The following TRAPPC10 variants were observed in gnomAD, a reference collection of about 807,000 sequenced individuals.
TRAPPC10 encodes the protein trafficking protein particle complex subunit 10, also known as TRAPP 130 kDa subunit.
In TRAPPC10, 23 loss-of-function variants were observed where a neutral mutation model predicts 125.5. The ratio of observed to expected loss-of-function variants is 0.18; its 90% confidence interval spans 0.13 to 0.26. TRAPPC10 has a LOEUF of 0.26. TRAPPC10 is among the 10% of genes least tolerant of loss of function. The pLI is 1.00. For synonymous variants in TRAPPC10, 509 were observed against 518.0 expected, an observed-to-expected ratio of 0.98 and a Z score of 0.24; for missense variants, 1,123 against 1,308.4, an observed-to-expected ratio of 0.86 and a Z score of 2.19.
At chr21:44,055,559 C>T in intron 4 of TRAPPC10, 139 bp from the exon 5 acceptor site, 1 of 619,154 alleles carries the variant, frequency 1.6e-6, no homozygotes, top group Non-Finnish European at 2.6e-6. Flanking sequence ...GCCTGGGCCA[C>T]AGAGCAAAAC....
At chr21:44,083,693 A>C (rs1159767914) in intron 14 of TRAPPC10, among the ~76,000 whole-genome samples, 1 of 152,170 alleles carries the variant, frequency 6.6e-6, no homozygotes, top group Non-Finnish European at 1.5e-5. Flanking sequence ...CTGGGTGTCA[A>C]AACTGGTGTT....
At chr21:44,016,869 A>G (rs879555645) in intron 1 of TRAPPC10, among the ~76,000 whole-genome samples, 43 of 152,240 alleles carry the variant, frequency 2.8e-4, no homozygotes, top group Admixed American at 9.8e-4. Context: ...CGTGTCAGCC[A>G]GGATGGTCTT....
Position 44,086,933 on chromosome 21 carries a change from A to G in TRAPPC10, c.2512A>G (p.Arg838Gly). 1.2e-6 allele frequency: 2 copies of G among 1,614,194 alleles called. No homozygotes were observed. The highest frequency in any genetic ancestry group is 1.7e-6 in the Non-Finnish European group (2 of 1,180,026). Reference sequence around the variant, plus strand: ...GCTCATCCTGTGCCAGGCGGAGAGCAGGGCTGTGGTCTACTCCAACACGAG... The same window carrying G: ...GCTCATCCTGTGCCAGGCGGAGAGCGGGGCTGTGGTCTACTCCAACACGAG... The part of the protein sequence containing the change: ...AMLILCQAES[R>G]AVVYSNTREQ... Residue 838 changes from arginine to glycine, a missense_variant, in exon 16 of 23, where the codon AGG (arginine) becomes GGG (glycine). Arg to Gly is a moderately radical substitution (Grantham distance 125). Transcript: ENST00000291574.
intron 1 of TRAPPC10, among the ~76,000 whole-genome samples, chr21:44,017,847 T>C (rs1216303306): frequency 6.6e-6 from 1 of 152,118 alleles, no homozygotes; most frequent in East Asian, 1.9e-4. Context: ...TGATCTGATG[T>C]TGACACTGTG....
intron 18 of TRAPPC10, among the ~76,000 whole-genome samples, chr21:44,091,527 C>T (rs569703879): frequency 6.6e-6 from 1 of 152,304 alleles, no homozygotes; most frequent in East Asian, 1.9e-4. Context: ...GCAACCTCCA[C>T]CTCCCAGGTT....
intron 15 of TRAPPC10, 85 bp downstream of exon 15, chr21:44,084,348 T>A (rs1257898974): frequency 7.2e-7 from 1 of 1,383,678 alleles, no homozygotes; most frequent in Non-Finnish European, 9.7e-7. Context: ...TTCTCATAAG[T>A]TTTAGCTGTG....
rs1200589365 is a variant in TRAPPC10 at position 44,082,353 on chromosome 21, AGACACCTGG to A, written c.1724-433_1724-425del. Among the ~76,000 whole-genome samples the A allele has an allele frequency of 6.6e-6, 1 of 152,218 alleles. No homozygotes were observed. Among genetic ancestry groups the A allele is most frequent in the African/African-American group, 2.4e-5 (1 of 41,444 alleles). Reference sequence around the variant, plus strand: ...TAATCGGCTGACTTTGTAGACTGGCAGACACCTGGGGTTTGTTTCCACATCACAGCAGGG... The same window carrying A: ...TAATCGGCTGACTTTGTAGACTGGCAGGTTTGTTTCCACATCACAGCAGGG... On this transcript the variant is annotated intron_variant, in intron 13 of 22. Coordinates refer to ENST00000291574, the MANE Select transcript of TRAPPC10 (RefSeq NM_003274.5). This position sits in a 1 kb window ranked among gnomAD's most constrained non-coding sequence, Gnocchi z 4.4.
chr21:44,037,233 C>T (rs1883733060), intron 2 of TRAPPC10, among the ~76,000 whole-genome samples: 1 of 152,058 alleles, frequency 6.6e-6, no homozygotes, highest in Admixed American at 6.6e-5. Flanking sequence ...ATGCAGGGGG[C>T]GTGTGGGATT....
At chr21:44,073,211 T>G (rs1246437898) in intron 7 of TRAPPC10, among the ~76,000 whole-genome samples, 2 of 152,238 alleles carry the variant, frequency 1.3e-5, no homozygotes, top group Non-Finnish European at 2.9e-5. Context: ...TGGCACTCTT[T>G]GGTTCTTCCT....
intron 11 of TRAPPC10, 100 bp from the exon 12 acceptor site, chr21:44,079,464 A>G (rs2037523264): frequency 1.5e-6 from 2 of 1,374,762 alleles, no homozygotes; most frequent in Admixed American, 2.6e-5. Flanking sequence ...CTGTCCTGGC[A>G]TGGGGTCTGG....
intron 1 of TRAPPC10, among the ~76,000 whole-genome samples, chr21:44,014,970 C>CCTT (rs1429790972): frequency 6.6e-5 from 10 of 152,248 alleles, no homozygotes; most frequent in Non-Finnish European, 1.0e-4. Context: ...TCACTTTATG[C>CCTT]CTTCATCTTG....
chr21:44,069,185 C>T (rs992740816), intron 7 of TRAPPC10, among the ~76,000 whole-genome samples: 6 of 152,140 alleles, frequency 3.9e-5, no homozygotes, highest in South Asian at 2.1e-4. Context: ...CATTAGACTA[C>T]GTAAACATCA....
At chr21:44,019,968 G>T (rs569008059) in intron 1 of TRAPPC10, among the ~76,000 whole-genome samples, 32 of 152,236 alleles carry the variant, frequency 2.1e-4, no homozygotes, top group African/African-American at 7.2e-4. Flanking sequence ...GAAAAGTCCA[G>T]CCTCTTCTGT....
chr21:44,059,321 G>A lies in TRAPPC10; in HGVS notation c.790+107G>A. 1.3e-6 allele frequency: 1 copy of A among 762,446 alleles called. No individual in the cohort carries two copies. The highest frequency in any genetic ancestry group is 2.2e-6 in the Non-Finnish European group (1 of 455,506). The allele number at this position is 762,446 out of a possible 1,614,324, so 47.2% of individuals were successfully genotyped here. On this transcript the variant is annotated intron_variant, in intron 6 of 22. Transcript: ENST00000291574. The surrounding 1 kb of genome is among the most constrained non-coding windows in gnomAD (Gnocchi z 4.4). ...TTTACCTCAGGAGTACGCATGTTTT[G>A]TTGTTGTCTTTATACACATTATATC...
intron 4 of TRAPPC10, among the ~76,000 whole-genome samples, chr21:44,053,298 A>G (rs771742427): frequency 3.3e-5 from 5 of 152,176 alleles, no homozygotes; most frequent in Admixed American, 6.5e-5. Context: ...TTTTTTCTTT[A>G]TGCATACATA....
At chr21:44,015,306 A>T (rs2838466) in intron 1 of TRAPPC10, among the ~76,000 whole-genome samples, 55,139 of 152,078 alleles carry the variant, frequency 0.36, 13,872 homozygotes, top group African/African-American at 0.72. Flanking sequence ...GGTTCAGGTG[A>T]ATTTAAAAAC....
chr21:44,056,933 A>G (rs1015736623), intron 5 of TRAPPC10, among the ~76,000 whole-genome samples: 5 of 141,568 alleles, frequency 3.5e-5, no homozygotes, highest in African/African-American at 1.5e-4. Context: ...TAAGGGCTAT[A>G]TGGAAACTAG....
chr21:44,017,193 G>C (rs2838468), intron 1 of TRAPPC10, among the ~76,000 whole-genome samples: 52,416 of 152,114 alleles, frequency 0.34, 13,104 homozygotes, highest in African/African-American at 0.71. Context: ...GTTGCAGAGA[G>C]TATGTATTTG....
chr21:44,092,827 G>A (rs920227582), intron 19 of TRAPPC10, among the ~76,000 whole-genome samples: 4 of 151,716 alleles, frequency 2.6e-5, no homozygotes, highest in Non-Finnish European at 1.5e-5. Flanking sequence ...ATGGAGTTTC[G>A]TTCTTGTCGC....
Sources: allele counts gnomAD v4.1 joint callset (sites outside exome capture counted in the v4.1 genomes callset), GRCh38; gene constraint gnomAD v4.1.1; non-coding constraint Gnocchi (gnomAD v3.1); transcripts MANE v1.5; gene names NCBI Gene and HGNC (gene_info 2026-07-23, HGNC 2026-07-21).